Variants in RBFOX1 observed in about 807,000 individuals in gnomAD.
The protein encoded by RBFOX1 is RNA binding protein fox-1 homolog 1.
A neutral mutation model predicts 57.7 loss-of-function variants in RBFOX1; 8 were observed. That is an observed-to-expected ratio of 0.14 (90% confidence interval 0.08 to 0.25). The LOEUF (loss-of-function observed/expected upper bound fraction) is 0.25. Among genes scored for constraint, RBFOX1 ranks in the 10% least tolerant of loss-of-function variants. RBFOX1 has a pLI of 1.00. For missense variants in RBFOX1, 611 were observed against 548.5 expected (o/e 1.11, Z -1.14); for synonymous variants, 326 against 222.4 (o/e 1.47, Z -4.15).
intron 3 of RBFOX1, among the ~76,000 whole-genome samples, chr16:7,025,615 C>A (rs11863491): frequency 0.059 from 8,946 of 152,122 alleles, 895 homozygotes; most frequent in African/African-American, 0.2. Flanking sequence ...CTAAGGAGAC[C>A]TGGGCATGTC....
intron 3 of RBFOX1, among the ~76,000 whole-genome samples, chr16:6,807,556 A>C (rs982056753): frequency 6.6e-6 from 1 of 152,022 alleles, no homozygotes; most frequent in African/African-American, 2.4e-5. Context: ...GGTGGCTCAC[A>C]CCTGTAATCC....
chr16:5,478,984 C>G (rs963537059), intron 2 of RBFOX1, among the ~76,000 whole-genome samples: 32 of 152,306 alleles, frequency 2.1e-4, no homozygotes, highest in Middle Eastern at 3.4e-3. Flanking sequence ...CTCCTTTACC[C>G]CCTACCCATA....
chr16:7,567,791 G>A (rs1307245178), intron 5 of RBFOX1, among the ~76,000 whole-genome samples: 5 of 144,798 alleles, frequency 3.5e-5, no homozygotes, highest in South Asian at 2.3e-4. Flanking sequence ...ATATCCATAT[G>A]TATACCTATA....
At chr16:5,770,970 C>T (rs2053958511) in intron 3 of RBFOX1, among the ~76,000 whole-genome samples, 1 of 152,168 alleles carries the variant, frequency 6.6e-6, no homozygotes, top group Non-Finnish European at 1.5e-5. Context: ...CTGTCTCTGG[C>T]CACGACCCTT....
chr16:7,381,395 TAA>T (rs2097779880), intron 4 of RBFOX1, among the ~76,000 whole-genome samples: 1 of 152,212 alleles, frequency 6.6e-6, no homozygotes, highest in Non-Finnish European at 1.5e-5. Context: ...TTAAAATCCT[TAA>T]ACACATACCT....
intron 1 of RBFOX1, among the ~76,000 whole-genome samples, chr16:6,044,930 T>C (rs183965367): frequency 2.4e-4 from 36 of 152,322 alleles, no homozygotes; most frequent in South Asian, 2.1e-3. Flanking sequence ...TTGTAAAATT[T>C]TGAGCTATTT....
intron 2 of RBFOX1, among the ~76,000 whole-genome samples, chr16:6,541,594 T>C (rs145470352): frequency 3.3e-5 from 5 of 152,278 alleles, no homozygotes; most frequent in African/African-American, 1.2e-4. Flanking sequence ...GAGTTTTAAA[T>C]AGAGGAGGGA....
intron 4 of RBFOX1, among the ~76,000 whole-genome samples, chr16:7,215,067 C>T (rs562056796): frequency 3.9e-5 from 6 of 152,080 alleles, no homozygotes; most frequent in Admixed American, 2.6e-4. Context: ...GTCTCCACCC[C>T]CCGCGGACAG....
intron 3 of RBFOX1, among the ~76,000 whole-genome samples, chr16:7,022,732 T>C (rs1041995027): frequency 1.3e-5 from 2 of 152,016 alleles, no homozygotes; most frequent in African/African-American, 4.8e-5. Context: ...AAAAACGAAG[T>C]CTTAGTATGG....
At chr16:6,854,655 C>G (rs1371631380) in intron 3 of RBFOX1, among the ~76,000 whole-genome samples, 1 of 127,206 alleles carries the variant, frequency 7.9e-6, no homozygotes, top group Non-Finnish European at 1.5e-5. Flanking sequence ...AGTGCAGTGG[C>G]GCTATCTGGG....
chr16:7,626,614 G>A (rs1454385912), intron 10 of RBFOX1, among the ~76,000 whole-genome samples: 1 of 152,160 alleles, frequency 6.6e-6, no homozygotes, highest in Non-Finnish European at 1.5e-5. Flanking sequence ...GTTAGAGTGG[G>A]TGAGCCAACT....
chr16:7,334,332 T>A (rs1394058041), intron 4 of RBFOX1, among the ~76,000 whole-genome samples: 1 of 152,112 alleles, frequency 6.6e-6, no homozygotes, highest in African/African-American at 2.4e-5. Flanking sequence ...ACTTGTTGCG[T>A]CTTCCCTGGT....
chr16:6,206,418 C>T (rs1159423802), intron 1 of RBFOX1, among the ~76,000 whole-genome samples: 3 of 152,144 alleles, frequency 2.0e-5, no homozygotes, highest in Non-Finnish European at 2.9e-5. Flanking sequence ...GTGATTGCTT[C>T]CTTCTCAATT....
intron 2 of RBFOX1, among the ~76,000 whole-genome samples, chr16:6,333,987 T>C (rs1400228411): frequency 6.6e-6 from 1 of 152,164 alleles, no homozygotes; most frequent in Non-Finnish European, 1.5e-5. Context: ...ATTTCTTTTT[T>C]GGTGGGGGTA....
chr16:5,789,503 G>A (rs2054617549), intron 3 of RBFOX1, among the ~76,000 whole-genome samples: 1 of 152,092 alleles, frequency 6.6e-6, no homozygotes, highest in South Asian at 2.1e-4. Flanking sequence ...GTTTTAAGAT[G>A]TTACTATAGG....
intron 4 of RBFOX1, among the ~76,000 whole-genome samples, chr16:7,088,543 T>C: frequency 1.6e-5 from 1 of 60,812 alleles, no homozygotes. Context: ...TGTTTTTTGT[T>C]GTTTTTTTTT....
At chr16:6,233,252 G>A (rs2097479303) in intron 1 of RBFOX1, among the ~76,000 whole-genome samples, 1 of 152,148 alleles carries the variant, frequency 6.6e-6, no homozygotes, top group African/African-American at 2.4e-5. Context: ...TTGAAAGGAT[G>A]AGTTAGAGAA....
chr16:7,625,713 G>A (rs1205922759), intron 10 of RBFOX1, among the ~76,000 whole-genome samples: 2 of 152,120 alleles, frequency 1.3e-5, no homozygotes, highest in South Asian at 2.1e-4. Context: ...TATTCACCAT[G>A]TACTGACTTG....
At chr16:6,337,434 T>C (rs1351591651) in intron 2 of RBFOX1, among the ~76,000 whole-genome samples, 1 of 152,152 alleles carries the variant, frequency 6.6e-6, no homozygotes, top group Non-Finnish European at 1.5e-5. Flanking sequence ...CCTCAGATAT[T>C]TGCAGGTGAA....
Sources: gnomAD v4.1 joint callset for allele counts (sites outside exome capture counted in the v4.1 genomes callset) on GRCh38, gnomAD v4.1.1 for gene constraint, MANE v1.5 for transcripts, NCBI Gene and HGNC (gene_info 2026-07-23, HGNC 2026-07-21) for gene names.